ASIC2: variants seen among roughly 807,000 people sequenced by gnomAD.
ASIC2 encodes the protein acid-sensing ion channel 2.
Under a neutral mutation model 57.3 loss-of-function variants are expected in ASIC2, and 25 were observed. The ratio of observed to expected loss-of-function variants is 0.44; its 90% CI spans 0.32 to 0.61. The LOEUF is 0.61. Ranked by LOEUF, ASIC2 falls within the 20% of genes least tolerant of loss-of-function variation. The probability of loss-of-function intolerance (pLI) is 0.06; values close to 1 mark genes in which losing one functional copy is unlikely to be tolerated. For synonymous variants in ASIC2, 319 were observed against 307.5 expected (o/e 1.04, Z -0.39); for missense variants, 641 against 738.1 (o/e 0.87, Z 1.52).
Position 33,464,522 on chromosome 17 carries a change from T to TTCTCTC in ASIC2, c.556-352456_556-352455insGAGAGA, listed in dbSNP as rs1326955433. Among the ~76,000 whole-genome samples the TTCTCTC allele has an allele frequency of 2.0e-4, 8 of 40,322 alleles. 1 individual carries two copies. The highest frequency in any genetic ancestry group is 6.6e-4 in the African/African-American group (6 of 9,102). The allele number at this position is 40,322 out of a possible 152,430, so 26.5% of individuals were successfully genotyped here. A position where few individuals can be genotyped will look rare whatever the true frequency, so the allele number is the denominator to read the frequency against. Reference sequence around the variant, plus strand: ...TTTCTTTCTTTCTTTCTTTCTTTCTTTCTTTCTTTCTTTCTTTCTCTTTCT... The same window carrying TTCTCTC: ...TTTCTTTCTTTCTTTCTTTCTTTCTTTCTCTCTCTTTCTTTCTTTCTTTCTCTTTCT... On this transcript the variant is annotated intron_variant, in intron 1 of 9. Transcript: ENST00000359872.
chr17:33,670,982 C>T (rs982034493), intron 1 of ASIC2, among the ~76,000 whole-genome samples: 2 of 152,178 alleles, frequency 1.3e-5, no homozygotes, highest in African/African-American at 4.8e-5. Context: ...GTTCCTTCAT[C>T]TATGCTTTTA....
intron 1 of ASIC2, among the ~76,000 whole-genome samples, chr17:34,111,059 A>G (rs1329510485): frequency 1.3e-5 from 2 of 151,990 alleles, no homozygotes; most frequent in Non-Finnish European, 2.9e-5. Context: ...CTCTGTCTCT[A>G]CTAAAAATAC....
At chr17:33,683,186 G>A (rs1267702968) in intron 1 of ASIC2, among the ~76,000 whole-genome samples, 1 of 152,092 alleles carries the variant, frequency 6.6e-6, no homozygotes, top group African/African-American at 2.4e-5. Flanking sequence ...TCTTGCCTCA[G>A]CCTCCTGTGT....
chr17:33,408,900 G>A (rs1295519499), intron 1 of ASIC2, among the ~76,000 whole-genome samples: 1 of 152,226 alleles, frequency 6.6e-6, no homozygotes, highest in Non-Finnish European at 1.5e-5. Flanking sequence ...GCCCAGGGAA[G>A]AGGGTGTGTA....
intron 1 of ASIC2, among the ~76,000 whole-genome samples, chr17:33,404,949 G>C (rs1910414935): frequency 6.6e-6 from 1 of 151,614 alleles, no homozygotes; most frequent in African/African-American, 2.4e-5. Context: ...TAAAAAACTT[G>C]AATGACTTAT....
chr17:33,082,583 C>T (rs1460891833), intron 3 of ASIC2, among the ~76,000 whole-genome samples: 2 of 152,096 alleles, frequency 1.3e-5, no homozygotes, highest in Admixed American at 6.5e-5. Context: ...CCTGTAATTC[C>T]AGCTATTCCA....
At chr17:33,492,657 G>A (rs933841730) in intron 1 of ASIC2, among the ~76,000 whole-genome samples, 2 of 152,200 alleles carry the variant, frequency 1.3e-5, no homozygotes, top group Non-Finnish European at 2.9e-5. Context: ...AATCCAGAGT[G>A]AGGATTCTGG....
intron 1 of ASIC2, among the ~76,000 whole-genome samples, chr17:33,597,458 C>A (rs1905015082): frequency 6.6e-6 from 1 of 152,124 alleles, no homozygotes; most frequent in Non-Finnish European, 1.5e-5. Flanking sequence ...ATCCTGCTTC[C>A]CTGTATAGAT....
chr17:33,381,449 A>T (rs1375824460), intron 1 of ASIC2, among the ~76,000 whole-genome samples: 2 of 152,154 alleles, frequency 1.3e-5, no homozygotes, highest in Non-Finnish European at 2.9e-5. Context: ...TCCTTCACAT[A>T]GCCTGCTGGT....
At chr17:34,031,586 C>T (rs1907614638) in intron 1 of ASIC2, among the ~76,000 whole-genome samples, 2 of 152,040 alleles carry the variant, frequency 1.3e-5, no homozygotes, top group South Asian at 2.1e-4. Context: ...GAAATTCGAA[C>T]CAATGGCAAA....
chr17:33,290,472 C>G lies in ASIC2; in HGVS notation c.708+936G>C, dbSNP rs183499506. Among the ~76,000 whole-genome samples the G allele has an allele frequency of 6.4e-3, 974 of 152,362 alleles. 9 individuals are homozygous for G. The highest frequency in any genetic ancestry group is 0.012 in the Admixed American group (181 of 15,302). On this transcript the variant is annotated intron_variant, in intron 1 of 9. Transcript: ENST00000225823. Reference sequence around the variant, plus strand: ...CATGCTGGGGCCTGGCACCAGAACTCCTCCAAGGCAGACTGCACAAGGCAG... The same window carrying G: ...CATGCTGGGGCCTGGCACCAGAACTGCTCCAAGGCAGACTGCACAAGGCAG...
intron 1 of ASIC2, among the ~76,000 whole-genome samples, chr17:33,674,417 C>T (rs1907746138): frequency 6.6e-6 from 1 of 152,072 alleles, no homozygotes; most frequent in African/African-American, 2.4e-5. Flanking sequence ...ATGACAGATA[C>T]TAAATGAAAA....
At chr17:33,254,958 T>G (rs1909009238) in intron 1 of ASIC2, among the ~76,000 whole-genome samples, 1 of 151,920 alleles carries the variant, frequency 6.6e-6, no homozygotes, top group Non-Finnish European at 1.5e-5. Context: ...TTCTTTTATG[T>G]TTACAAATTA....
At chr17:33,428,816 G>T (rs1034851884) in intron 1 of ASIC2, among the ~76,000 whole-genome samples, 1 of 152,108 alleles carries the variant, frequency 6.6e-6, no homozygotes, top group Non-Finnish European at 1.5e-5. Flanking sequence ...GTCTCTGAAT[G>T]TTCTCTTTGT....
At chr17:33,077,954 A>C (rs2092096392) in intron 3 of ASIC2, among the ~76,000 whole-genome samples, 1 of 152,192 alleles carries the variant, frequency 6.6e-6, no homozygotes, top group Non-Finnish European at 1.5e-5. Context: ...TGGCCTATGC[A>C]TGGAAGTGTC....
At chr17:33,814,326 A>G (rs1912515934) in intron 1 of ASIC2, among the ~76,000 whole-genome samples, 1 of 152,174 alleles carries the variant, frequency 6.6e-6, no homozygotes, top group Non-Finnish European at 1.5e-5. Context: ...TCGGATGCAA[A>G]AAAAGTATCC....
chr17:33,585,626 G>A (rs1426462979), intron 1 of ASIC2, among the ~76,000 whole-genome samples: 34 of 152,164 alleles, frequency 2.2e-4, no homozygotes, highest in Admixed American at 2.2e-3. Flanking sequence ...CCAGGAGTTG[G>A]TTGCAATATG....
At chr17:34,151,417 A>G (rs1904521522) in intron 1 of ASIC2, among the ~76,000 whole-genome samples, 1 of 152,198 alleles carries the variant, frequency 6.6e-6, no homozygotes, top group Admixed American at 6.5e-5. Flanking sequence ...TGACAAAGGA[A>G]TAACCATGCA....
At chr17:34,103,020 G>C (rs1462590962) in intron 1 of ASIC2, among the ~76,000 whole-genome samples, 1 of 152,168 alleles carries the variant, frequency 6.6e-6, no homozygotes, top group Non-Finnish European at 1.5e-5. Flanking sequence ...AGTTGAAAGA[G>C]TTCTTTACAC....
Sources: allele counts gnomAD v4.1 joint callset (sites outside exome capture counted in the v4.1 genomes callset), GRCh38; gene constraint gnomAD v4.1.1; transcripts MANE v1.5; gene names NCBI Gene and HGNC (gene_info 2026-07-23, HGNC 2026-07-21).